Variants in EIPR1 observed in about 807,000 individuals in gnomAD.
The protein encoded by EIPR1 is EARP and GARP complex-interacting protein 1.
Under a neutral mutation model 48.1 loss-of-function variants are expected in EIPR1, and 25 were observed. The observed-to-expected ratio is 0.52, with a 90% CI of 0.38 to 0.73. The LOEUF is 0.73. EIPR1 is among the 30% of genes least tolerant of loss of function. The probability of loss-of-function intolerance (pLI) is 0.00; values close to 1 mark genes in which losing one functional copy is unlikely to be tolerated. For synonymous variants in EIPR1, 204 were observed against 201.9 expected, an observed-to-expected ratio of 1.01 and a Z score of -0.09; for missense variants, 415 against 506.2, an observed-to-expected ratio of 0.82 and a Z score of 1.73.
chr2:3,254,276 C>T (rs1236986126), intron 4 of EIPR1, among the ~76,000 whole-genome samples: 1 of 152,158 alleles, frequency 6.6e-6, no homozygotes, highest in East Asian at 1.9e-4. Context: ...GAGGAGGAGC[C>T]CTCACGCTCT....
intron 3 of EIPR1, among the ~76,000 whole-genome samples, chr2:3,291,792 C>T (rs1668372979): frequency 6.6e-6 from 1 of 152,208 alleles, no homozygotes; most frequent in Non-Finnish European, 1.5e-5. Flanking sequence ...CCAAAGTTCT[C>T]AAATATCAAC....
At chr2:3,369,427 C>T (rs1042518143) in intron 1 of EIPR1, among the ~76,000 whole-genome samples, 1 of 152,144 alleles carries the variant, frequency 6.6e-6, no homozygotes, top group South Asian at 2.1e-4. Context: ...CGAAGCAGGG[C>T]GAGGCATTGC....
At chr2:3,240,971 C>A (rs1290748588) in intron 4 of EIPR1, among the ~76,000 whole-genome samples, 29 of 112,220 alleles carry the variant, frequency 2.6e-4, no homozygotes, top group South Asian at 6.0e-4. Context: ...CCTCCTAAAG[C>A]AAAGCCAGCA....
chr2:3,238,868 G>A (rs748012690), intron 4 of EIPR1, among the ~76,000 whole-genome samples: 7 of 152,152 alleles, frequency 4.6e-5, no homozygotes, highest in African/African-American at 4.8e-5. Context: ...TACATTCACC[G>A]TGCCACTCAC....
rs544520586 is a variant in EIPR1 at position 3,303,167 on chromosome 2, T to C, written c.259+34850A>G. 3.3e-5 allele frequency among the ~76,000 whole-genome samples: 5 copies of C among 152,316 alleles called. No homozygotes were observed. The South Asian group carries it at 1.0e-3, about 32-fold the overall frequency. The stretch of plus-strand genomic sequence containing the variant: ...ACGTCACGTGTATTTGCTGCACTTT[T>C]AGTTGCAATTCACAAAAGCTGGCTC... On this transcript the variant is annotated intron_variant, in intron 3 of 8. Coordinates refer to ENST00000382125, the MANE Select transcript of EIPR1 (RefSeq NM_003310.5).
At chr2:3,345,626 A>G (rs936385065) in intron 2 of EIPR1, among the ~76,000 whole-genome samples, 4 of 147,180 alleles carry the variant, frequency 2.7e-5, no homozygotes, top group South Asian at 2.2e-4. Flanking sequence ...CTCTGTCTGG[A>G]AAAAAAAAAA....
chr2:3,360,371 T>C (rs1440264292), intron 1 of EIPR1, among the ~76,000 whole-genome samples: 1 of 146,458 alleles, frequency 6.8e-6, no homozygotes. Flanking sequence ...GCCATTGCAC[T>C]CCAGCCTAGG....
At chr2:3,255,172 C>T in intron 4 of EIPR1, among the ~76,000 whole-genome samples, 1 of 149,160 alleles carries the variant, frequency 6.7e-6, no homozygotes, top group East Asian at 2.0e-4. Flanking sequence ...TTAATATCAA[C>T]AATTACTTTC....
At chr2:3,216,451 T>C (rs919793883) in intron 4 of EIPR1, among the ~76,000 whole-genome samples, 3 of 152,086 alleles carry the variant, frequency 2.0e-5, no homozygotes, top group Non-Finnish European at 4.4e-5. Flanking sequence ...CCAAGACACT[T>C]GGGGTTTTAG....
At chr2:3,256,966 A>G (rs7578382) in intron 4 of EIPR1, among the ~76,000 whole-genome samples, 6,148 of 152,298 alleles carry the variant, frequency 0.04, 144 homozygotes, top group South Asian at 0.074. Flanking sequence ...GTGAGTGTGA[A>G]TAAGTGCATG....
rs748239854 is a variant in EIPR1 at position 3,338,196 on chromosome 2, C to G, written c.127-47G>C. 12 of 1,594,602 alleles carry G rather than the reference C, an allele frequency of 7.5e-6. No individual in the cohort carries two copies. The South Asian group carries it at 1.4e-4, about 18-fold the overall frequency. Reference sequence around the variant, plus strand: ...ACATCAGGATCTCAAACACTTTCCTCAGTACCTTCATCAGACATCATGATT... The same window carrying G: ...ACATCAGGATCTCAAACACTTTCCTGAGTACCTTCATCAGACATCATGATT... On this transcript the variant is annotated intron_variant, in intron 2 of 8. Transcript: ENST00000382125.
chr2:3,290,749 T>C (rs2103273175), intron 3 of EIPR1, among the ~76,000 whole-genome samples: 1 of 152,350 alleles, frequency 6.6e-6, no homozygotes, highest in Admixed American at 6.5e-5. Context: ...CTGAGCGCAC[T>C]TGCTGTGACA....
At chr2:3,209,789 G>A (rs1665377669) in intron 5 of EIPR1, among the ~76,000 whole-genome samples, 1 of 152,180 alleles carries the variant, frequency 6.6e-6, no homozygotes, top group South Asian at 2.1e-4. Context: ...CATACTGTAT[G>A]GATCCAACTC....
At chr2:3,348,222 G>A (rs190463997) in intron 2 of EIPR1, among the ~76,000 whole-genome samples, 4 of 152,254 alleles carry the variant, frequency 2.6e-5, no homozygotes, top group East Asian at 1.9e-4. Flanking sequence ...CTGCTCTGTC[G>A]CTGCCCTTCT....
At chr2:3,226,362 T>G (rs899608112) in intron 4 of EIPR1, among the ~76,000 whole-genome samples, 1 of 152,246 alleles carries the variant, frequency 6.6e-6, no homozygotes, top group Non-Finnish European at 1.5e-5. Context: ...TCCATTTTTC[T>G]GATGGTTAGT....
chr2:3,212,583 G>T (rs1292008807), intron 5 of EIPR1, among the ~76,000 whole-genome samples: 1 of 152,128 alleles, frequency 6.6e-6, no homozygotes, highest in Non-Finnish European at 1.5e-5. Context: ...TAGTTATGTA[G>T]GAATGCCCCG....
intron 4 of EIPR1, among the ~76,000 whole-genome samples, chr2:3,227,055 T>C (rs114016112): frequency 0.014 from 2,132 of 152,206 alleles, 48 homozygotes; most frequent in African/African-American, 0.049. Context: ...ATACGGTAAA[T>C]TGGTACTGCA....
intron 3 of EIPR1, among the ~76,000 whole-genome samples, chr2:3,322,646 A>G (rs11902010): frequency 0.066 from 10,116 of 152,260 alleles, 355 homozygotes; most frequent in African/African-American, 0.078. Flanking sequence ...GATGAATTCC[A>G]TTGACAGAGT....
At chr2:3,343,057 T>C (rs972251753) in intron 2 of EIPR1, among the ~76,000 whole-genome samples, 1 of 152,232 alleles carries the variant, frequency 6.6e-6, no homozygotes, top group African/African-American at 2.4e-5. Context: ...AATCACAATC[T>C]ACAGGTGAAA....
Sources: allele counts gnomAD v4.1 joint callset (sites outside exome capture counted in the v4.1 genomes callset), GRCh38; gene constraint gnomAD v4.1.1; transcripts MANE v1.5; gene names NCBI Gene and HGNC (gene_info 2026-07-23, HGNC 2026-07-21).